FHOD3: variants seen among roughly 807,000 people sequenced by gnomAD.
FHOD3 encodes formin homology 2 domain containing 3.
Under a neutral mutation model 173.0 loss-of-function variants are expected in FHOD3, and 90 were observed. That is an observed-to-expected ratio of 0.52 (90% CI 0.44 to 0.62). The LOEUF is 0.62. Among genes scored for constraint, FHOD3 ranks in the 20% least tolerant of loss-of-function variants. The probability of loss-of-function intolerance (pLI) is 0.00; values close to 1 mark genes in which losing one functional copy is unlikely to be tolerated. For synonymous variants in FHOD3, 828 were observed against 823.0 expected, an observed-to-expected ratio of 1.01 and a Z score of -0.10; for missense variants, 1,945 against 2,034.7, an observed-to-expected ratio of 0.96 and a Z score of 0.85.
intron 4 of FHOD3, among the ~76,000 whole-genome samples, chr18:36,502,773 C>A (rs533532380): frequency 2.0e-5 from 3 of 152,270 alleles, no homozygotes; most frequent in Admixed American, 6.5e-5. Context: ...CAAACAACCT[C>A]TTTCCACCCT....
intron 9 of FHOD3, among the ~76,000 whole-genome samples, chr18:36,621,891 A>G (rs1333352667): frequency 6.6e-6 from 1 of 152,230 alleles, no homozygotes; most frequent in Non-Finnish European, 1.5e-5. Context: ...TGGTACTCCC[A>G]TGTTTGTCGC....
chr18:36,764,930 T>A (rs1323691942), intron 27 of FHOD3, among the ~76,000 whole-genome samples: 2 of 152,202 alleles, frequency 1.3e-5, no homozygotes, highest in African/African-American at 4.8e-5. Flanking sequence ...TGACATTGCC[T>A]CTCTGTGAGC....
At chr18:36,629,427 A>C (rs2034347063) in intron 10 of FHOD3, among the ~76,000 whole-genome samples, 1 of 152,212 alleles carries the variant, frequency 6.6e-6, no homozygotes, top group African/African-American at 2.4e-5. Context: ...CTTAGCTCAC[A>C]GGCCGTATAA....
At chr18:36,339,193 G>A (rs1352500080) in intron 1 of FHOD3, among the ~76,000 whole-genome samples, 3 of 152,148 alleles carry the variant, frequency 2.0e-5, no homozygotes, top group Non-Finnish European at 2.9e-5. Context: ...TCTGCACTTT[G>A]AATGCTCCCA....
chr18:36,665,532 T>C (rs971923552), intron 14 of FHOD3, among the ~76,000 whole-genome samples: 2 of 151,140 alleles, frequency 1.3e-5, no homozygotes, highest in African/African-American at 4.9e-5. Flanking sequence ...TCTGGGAAAC[T>C]GAGTCACTAA....
chr18:36,702,494 G>A (rs756752751), intron 17 of FHOD3, among the ~76,000 whole-genome samples: 2 of 152,168 alleles, frequency 1.3e-5, no homozygotes, highest in African/African-American at 4.8e-5. Context: ...GTAGTCAATC[G>A]TGTTAGTTAT....
At chr18:36,607,852 T>G (rs1186164944) in intron 8 of FHOD3, among the ~76,000 whole-genome samples, 2 of 152,172 alleles carry the variant, frequency 1.3e-5, no homozygotes, top group Non-Finnish European at 2.9e-5. Flanking sequence ...ACAAAGATGG[T>G]TTTTATTCTG....
chr18:36,610,093 C>A (rs1373594260), intron 8 of FHOD3, among the ~76,000 whole-genome samples: 1 of 152,190 alleles, frequency 6.6e-6, no homozygotes, highest in Non-Finnish European at 1.5e-5. Context: ...GGTGGGGGAA[C>A]GAGGTGAAGA....
At chr18:36,524,145 G>T (rs1467045695) in intron 5 of FHOD3, among the ~76,000 whole-genome samples, 1 of 151,980 alleles carries the variant, frequency 6.6e-6, no homozygotes, top group Non-Finnish European at 1.5e-5. Context: ...AGCAGGGTGA[G>T]GTAGTGCATG....
intron 3 of FHOD3, among the ~76,000 whole-genome samples, chr18:36,402,700 G>T (rs1050765009): frequency 6.6e-6 from 1 of 152,096 alleles, no homozygotes; most frequent in Non-Finnish European, 1.5e-5. Context: ...TGTGTGATCC[G>T]TTTGAGCCTT....
chr18:36,653,528 TAC>T, intron 13 of FHOD3, 112 bp downstream of exon 13: 1 of 796,190 alleles, frequency 1.3e-6, no homozygotes, highest in South Asian at 1.7e-5. Flanking sequence ...GACACACAAT[TAC>T]AGTTTGAACC....
intron 17 of FHOD3, among the ~76,000 whole-genome samples, chr18:36,696,531 G>A (rs868214961): frequency 6.6e-6 from 1 of 152,110 alleles, no homozygotes; most frequent in Non-Finnish European, 1.5e-5. Flanking sequence ...TTTTTAAAAG[G>A]GAAAGGCTAA....
intron 17 of FHOD3, among the ~76,000 whole-genome samples, chr18:36,708,101 A>G (rs531728902): frequency 6.6e-6 from 1 of 152,358 alleles, no homozygotes; most frequent in East Asian, 1.9e-4. Flanking sequence ...AAATTTTAAA[A>G]AAGCATAAGC....
intron 28 of FHOD3, 87 bp from the exon 29 acceptor site, chr18:36,779,361 G>T: frequency 2.5e-6 from 3 of 1,176,522 alleles, no homozygotes; most frequent in Non-Finnish European, 2.5e-6. Flanking sequence ...GAGAAGGGGG[G>T]ACTGGAGTCT....
intron 3 of FHOD3, among the ~76,000 whole-genome samples, chr18:36,439,896 G>A (rs958545390): frequency 2.6e-5 from 4 of 152,164 alleles, no homozygotes; most frequent in South Asian, 2.1e-4. Flanking sequence ...CAATGGATTA[G>A]ATGATGCCCT....
chr18:36,770,141 G>A (rs764539924), intron 28 of FHOD3, among the ~76,000 whole-genome samples: 15 of 152,188 alleles, frequency 9.9e-5, no homozygotes, highest in Admixed American at 2.0e-4. Flanking sequence ...ACATCTCCCT[G>A]CATGAGCTGT....
chr18:36,481,581 C>G (rs75634455), intron 3 of FHOD3, among the ~76,000 whole-genome samples: 1,773 of 151,974 alleles, frequency 0.012, 36 homozygotes, highest in African/African-American at 0.041. Flanking sequence ...CATTTGGGTT[C>G]CGTTGGTACC....
chr18:36,482,480 A>G (rs2053954772), intron 3 of FHOD3, among the ~76,000 whole-genome samples: 1 of 152,106 alleles, frequency 6.6e-6, no homozygotes, highest in Admixed American at 6.5e-5. Flanking sequence ...ATGATTGCTT[A>G]GGCCAGAAGT....
intron 3 of FHOD3, among the ~76,000 whole-genome samples, chr18:36,495,086 G>C (rs2054671073): frequency 6.6e-6 from 1 of 151,984 alleles, no homozygotes; most frequent in African/African-American, 2.4e-5. Context: ...GGGGCTGTAG[G>C]CCACCACCCC....
Sources: allele counts gnomAD v4.1 joint callset (sites outside exome capture counted in the v4.1 genomes callset), GRCh38; gene constraint gnomAD v4.1.1; transcripts MANE v1.5; gene names NCBI Gene and HGNC (gene_info 2026-07-23, HGNC 2026-07-21).